The following PARP8 variants were observed in gnomAD, a reference collection of about 807,000 sequenced individuals.
PARP8 encodes the protein protein mono-ADP-ribosyltransferase PARP8.
A neutral mutation model predicts 124.1 loss-of-function variants in PARP8; 51 were observed. The observed-to-expected ratio is 0.41, with a 90% CI of 0.33 to 0.52. PARP8 has a LOEUF of 0.52. PARP8 is among the 20% of genes least tolerant of loss of function. The probability of loss-of-function intolerance (pLI) is 0.21; values close to 1 mark genes in which losing one functional copy is unlikely to be tolerated. For synonymous variants in PARP8, 391 were observed against 361.5 expected (o/e 1.08, Z -0.93); for missense variants, 860 against 1,018.9 (o/e 0.84, Z 2.12).
chr5:50,778,172 A>G (rs1160820374), intron 8 of PARP8, 43 bp downstream of exon 8: 1 of 1,362,148 alleles, frequency 7.3e-7, no homozygotes, highest in African/African-American at 1.5e-5. Context: ...CATTTAAAAT[A>G]CATTTTATTT....
chr5:50,747,036 A>AT (rs1169326593), intron 2 of PARP8, among the ~76,000 whole-genome samples: 1 of 151,782 alleles, frequency 6.6e-6, no homozygotes, highest in Non-Finnish European at 1.5e-5. Flanking sequence ...TCTAAAAAAA[A>AT]TTTTTTTTAA....
intron 2 of PARP8, among the ~76,000 whole-genome samples, chr5:50,728,937 A>C (rs1756701839): frequency 6.6e-6 from 1 of 152,140 alleles, no homozygotes; most frequent in Non-Finnish European, 1.5e-5. Context: ...ATGTTTGTTG[A>C]TGTTGAAAAA....
chr5:50,801,548 C>G (rs1398642579), intron 14 of PARP8, among the ~76,000 whole-genome samples: 1 of 152,170 alleles, frequency 6.6e-6, no homozygotes, highest in Admixed American at 6.5e-5. Context: ...TAGTGATACT[C>G]TTTGTTTCAT....
At chr5:50,809,509 T>C (rs1299342691) in intron 14 of PARP8, among the ~76,000 whole-genome samples, 1 of 152,082 alleles carries the variant, frequency 6.6e-6, no homozygotes, top group Admixed American at 6.6e-5. Context: ...CACATTGAGT[T>C]AAGGCAGTAG....
At position 50,679,562 on chromosome 5, in the gene PARP8, T is replaced by C. The variant is rs1249963174; in HGVS notation, c.146+11437T>C. On this transcript the variant is annotated intron_variant, in intron 2 of 25. Transcript: ENST00000281631. ...CACCCTCCCATATCCTTAGAAAGCC[T>C]GTGTGTATTCTGATACATTTGGCAA... Among the ~76,000 whole-genome samples, 7 of 152,206 alleles carry C rather than the reference T, an allele frequency of 4.6e-5. No individual in the cohort carries two copies. The South Asian group carries it at 1.2e-3, about 27-fold the overall frequency.
Position 50,748,665 on chromosome 5 carries a change from G to T in PARP8, c.147-1486G>T, listed in dbSNP as rs556571976. 3.3e-5 allele frequency among the ~76,000 whole-genome samples: 5 copies of T among 152,192 alleles called. No individual in the cohort carries two copies. The South Asian group carries it at 1.0e-3, about 32-fold the overall frequency. On this transcript the variant is annotated intron_variant, in intron 2 of 25. Coordinates refer to ENST00000281631, the MANE Select transcript of PARP8 (RefSeq NM_024615.4). The stretch of plus-strand genomic sequence containing the variant: ...AATAGAGAATTCTGGCTGAACAGTT[G>T]TCTCCTCCCCTCCCCAAAAGTCAAC...
chr5:50,691,647 T>C (rs2121977), intron 2 of PARP8, among the ~76,000 whole-genome samples: 151,537 of 152,310 alleles, frequency 0.99, 75,388 homozygotes, highest in Middle Eastern at 1. Flanking sequence ...TTCCTGACCC[T>C]TTGTAACTCT....
At chr5:50,770,094 C>T (rs1224883245) in intron 7 of PARP8, among the ~76,000 whole-genome samples, 1 of 151,874 alleles carries the variant, frequency 6.6e-6, no homozygotes, top group African/African-American at 2.4e-5. Flanking sequence ...GCAACATTTC[C>T]CCCAGGATAT....
At chr5:50,775,420 C>T (rs62365481) in intron 7 of PARP8, among the ~76,000 whole-genome samples, 31,324 of 151,924 alleles carry the variant, frequency 0.21, 3,407 homozygotes, top group South Asian at 0.34. Flanking sequence ...TCAAGCGTGG[C>T]GGCGCGTGCC....
chr5:50,780,968 A>G (rs1740604142), intron 9 of PARP8, among the ~76,000 whole-genome samples: 1 of 151,656 alleles, frequency 6.6e-6, no homozygotes, highest in Non-Finnish European at 1.5e-5. Flanking sequence ...TTTTTTCTGT[A>G]TTTATTTCTG....
At chr5:50,825,045 C>T (rs1239114469) in intron 18 of PARP8, 70 bp downstream of exon 18, 2 of 1,292,348 alleles carry the variant, frequency 1.5e-6, no homozygotes, top group Non-Finnish European at 2.2e-6. Flanking sequence ...AGGAAAAAAA[C>T]CAAACAAACA....
chr5:50,753,888 C>T (rs1369039338), intron 3 of PARP8, among the ~76,000 whole-genome samples: 1 of 151,376 alleles, frequency 6.6e-6, no homozygotes, highest in East Asian at 1.9e-4. Flanking sequence ...CTATTCATCT[C>T]TCCCCAAGTC....
intron 1 of PARP8, 93 bp downstream of exon 1, chr5:50,667,279 G>T: frequency 1.5e-6 from 2 of 1,304,594 alleles, no homozygotes; most frequent in Non-Finnish European, 2.2e-6. Flanking sequence ...GTGGAGGGTT[G>T]CACGTCCCCA....
rs78758772 is a variant in PARP8 at position 50,802,574 on chromosome 5, C to T, written c.1575+5341C>T. On this transcript the variant is annotated intron_variant, in intron 14 of 25. Coordinates refer to ENST00000281631, the MANE Select transcript of PARP8 (RefSeq NM_024615.4). ...CTGGCCTCAAATGATTCTCCCTTCTCCCGAAGTACTGAGATTATAGGCATG... is the reference window on the plus strand; with the variant it reads ...CTGGCCTCAAATGATTCTCCCTTCTTCCGAAGTACTGAGATTATAGGCATG... 9.1e-3 allele frequency among the ~76,000 whole-genome samples: 1,390 copies of T among 152,250 alleles called. 30 individuals are homozygous for T. Among genetic ancestry groups the T allele is most frequent in the African/African-American group, 0.032 (1,325 of 41,546 alleles).
intron 2 of PARP8, among the ~76,000 whole-genome samples, chr5:50,728,852 A>G (rs549066516): frequency 6.6e-6 from 1 of 152,232 alleles, no homozygotes; most frequent in South Asian, 2.1e-4. Flanking sequence ...TTTTAGACTA[A>G]GTTTTTCCAT....
intron 2 of PARP8, among the ~76,000 whole-genome samples, chr5:50,691,524 A>G (rs769033844): frequency 3.3e-5 from 5 of 152,180 alleles, no homozygotes; most frequent in Non-Finnish European, 7.3e-5. Context: ...AATATTTTAA[A>G]TGACAGTGTA....
chr5:50,700,499 A>G (rs113556619), intron 2 of PARP8, among the ~76,000 whole-genome samples: 2,251 of 152,328 alleles, frequency 0.015, 58 homozygotes, highest in African/African-American at 0.052. Flanking sequence ...ACAGCCATCT[A>G]TATTATCAAT....
intron 2 of PARP8, among the ~76,000 whole-genome samples, chr5:50,684,307 A>G (rs1309357624): frequency 1.3e-5 from 2 of 152,106 alleles, no homozygotes; most frequent in African/African-American, 4.8e-5. Context: ...AAGGAAAATA[A>G]TGGTCCTGAA....
At chr5:50,702,814 C>T (rs1339731275) in intron 2 of PARP8, among the ~76,000 whole-genome samples, 1 of 152,128 alleles carries the variant, frequency 6.6e-6, no homozygotes, top group Non-Finnish European at 1.5e-5. Context: ...ACGTCCGTTA[C>T]ACAGAAGAGG....
Sources: allele counts gnomAD v4.1 joint callset (sites outside exome capture counted in the v4.1 genomes callset), GRCh38; gene constraint gnomAD v4.1.1; transcripts MANE v1.5; gene names NCBI Gene and HGNC (gene_info 2026-07-23, HGNC 2026-07-21).